The following CCT6A variants were observed in gnomAD, a reference collection of about 807,000 sequenced individuals.
CCT6A encodes the protein T-complex protein 1 subunit zeta.
CCT6A carries 6 observed loss-of-function variants against 58.6 expected under a neutral mutation model. The ratio of observed to expected loss-of-function variants is 0.10; its 90% CI spans 0.06 to 0.20. The LOEUF (loss-of-function observed/expected upper bound fraction) is 0.20, where lower values mean the gene tolerates loss of function less well. Ranked by LOEUF, CCT6A falls within the 10% of genes least tolerant of loss-of-function variation. The pLI is 1.00. For missense variants in CCT6A, 516 were observed against 648.8 expected, an observed-to-expected ratio of 0.80 and a Z score of 2.22; for synonymous variants, 245 against 227.8, an observed-to-expected ratio of 1.08 and a Z score of -0.68.
At chr7:56,056,756 T>C (rs933347090) in intron 5 of CCT6A, among the ~76,000 whole-genome samples, 3 of 148,270 alleles carry the variant, frequency 2.0e-5, no homozygotes, top group Non-Finnish European at 4.4e-5. Context: ...AAATAAACTG[T>C]GTTTAGAAAT....
rs1794418948 is a variant in CCT6A at position 56,060,914 on chromosome 7, G to A, written c.1321G>A (p.Ala441Thr). ...GGCACAGCTTGGAGTCCAAGCATTT[G>A]CTGATGCATTGCTCATTATTCCCAA... is the stretch of plus-strand genomic sequence containing the variant. ...GRAQLGVQAF[A>T]DALLIIPKVL... Residue 441 changes from alanine (A) to threonine (T), a missense_variant, in exon 11 of 14, where the codon GCT (alanine) becomes ACT (threonine). Around this residue, in one of 3 missense-constraint regions of CCT6A, gnomAD observed 315 missense variants for 389.4 expected, o/e 0.81. Coordinates refer to ENST00000275603, the MANE Select transcript of CCT6A (RefSeq NM_001762.4). 1.9e-6 allele frequency: 3 copies of A among 1,612,002 alleles called. No homozygotes were observed. The South Asian group carries it at 3.3e-5, about 18-fold the overall frequency.
chr7:56,057,857 G>A (rs1794347181), intron 5 of CCT6A, 136 bp from the exon 6 acceptor site: 2 of 616,294 alleles, frequency 3.2e-6, no homozygotes, highest in Non-Finnish European at 5.9e-6. Flanking sequence ...CTCCATCCTG[G>A]GCAACAGAGC....
intron 12 of CCT6A, chr7:56,062,075 G>C: frequency 2.5e-6 from 1 of 396,708 alleles, no homozygotes; most frequent in Non-Finnish European, 4.5e-6. Flanking sequence ...TGGAGATGTT[G>C]AGTGGTGGTA....
In CCT6A at chr7:56,054,461, C is replaced by G. The variant is rs368822326; in HGVS notation, c.294C>G (p.Ile98Met). 2.6e-5 allele frequency: 42 copies of G among 1,613,424 alleles called. No homozygotes were observed. The highest frequency in any genetic ancestry group is 3.4e-4 in the Middle Eastern group (2 of 5,950). Residue 98 changes from isoleucine (I) to methionine (M), a missense_variant, in exon 3 of 14, where the codon ATC becomes ATG. By Grantham distance (10) the Ile-to-Met change is conservative. Coordinates refer to ENST00000275603, the MANE Select transcript of CCT6A (RefSeq NM_001762.4). ...TGDGTTSNVL[I>M]IGELLKQADL... ...ATGGTACGACTTCTAATGTCCTAAT[C>G]ATTGGAGAGCTGCTGAAACAGGCGG...
At position 56,063,248 on chromosome 7, in the gene CCT6A, T is replaced by A. The variant is rs1158842571; in HGVS notation, c.*163T>A. On this transcript the variant is annotated 3_prime_UTR_variant, in exon 14 of 14. Coordinates refer to ENST00000275603, the MANE Select transcript of CCT6A (RefSeq NM_001762.4). ...TGTTGAAATTTGGAAGTTCTGAAAT[T>A]ATAGTATTTTTAAAAATTGCACTGA... 3.2e-6 allele frequency: 2 copies of A among 617,984 alleles called. No homozygotes were observed. The highest frequency in any genetic ancestry group is 2.9e-6 in the Non-Finnish European group (1 of 348,994). The allele number at this position is 617,984 out of a possible 1,614,324, so 38.3% of individuals were successfully genotyped here. A position where few individuals can be genotyped will look rare whatever the true frequency, so the allele number is the denominator to read the frequency against.
chr7:56,055,274 CA>C (rs34108091), intron 3 of CCT6A: 65 of 277,388 alleles, frequency 2.3e-4, no homozygotes, highest in East Asian at 5.8e-4. Flanking sequence ...AACTCCATCT[CA>C]AAAAAAATGA....
Position 56,061,856 on chromosome 7 carries a change from G to T in CCT6A, c.1450+7G>T, listed in dbSNP as rs7799676. 2.1e-6 allele frequency: 3 copies of T among 1,456,810 alleles called. No homozygotes were observed. The highest frequency in any genetic ancestry group is 2.8e-6 in the Non-Finnish European group (3 of 1,054,042). The allele number at this position is 1,456,810 out of a possible 1,614,324, so 90.2% of individuals were successfully genotyped here. A position where few individuals can be genotyped will look rare whatever the true frequency, so the allele number is the denominator to read the frequency against. Reference sequence around the variant, plus strand: ...GGTGTGGACCTGAACACAGGTAAGAGAATGCAACTGTTGTAGAGGGAAAAC... The same window carrying T: ...GGTGTGGACCTGAACACAGGTAAGATAATGCAACTGTTGTAGAGGGAAAAC... On this transcript the variant is annotated splice_region_variant and intron_variant, in intron 12 of 13. Transcript: ENST00000275603.
intron 3 of CCT6A, 86 bp from the exon 4 acceptor site, chr7:56,055,538 C>A: frequency 1.8e-6 from 2 of 1,121,808 alleles, no homozygotes; most frequent in South Asian, 1.4e-5. Context: ...TGATCCAGAA[C>A]ACTCCTTCAA....
intron 3 of CCT6A, among the ~76,000 whole-genome samples, chr7:56,054,736 T>C (rs1794268169): frequency 6.6e-6 from 1 of 152,184 alleles, no homozygotes; most frequent in South Asian, 2.1e-4. Flanking sequence ...GATTTGCATC[T>C]GTCTTTAGTG....
chr7:56,054,574 G>A (rs1302203503), intron 3 of CCT6A, 71 bp downstream of exon 3: 4 of 1,470,882 alleles, frequency 2.7e-6, no homozygotes, highest in Non-Finnish European at 2.8e-6. Flanking sequence ...ACAAATTGAT[G>A]TGCTGTTAAT....
At chr7:56,061,430 T>C (rs10081373) in intron 11 of CCT6A, among the ~76,000 whole-genome samples, 83,192 of 143,906 alleles carry the variant, frequency 0.58, 24,226 homozygotes, top group East Asian at 0.7. Context: ...GGCTGGAGTG[T>C]AATGGTGCGA....
At chr7:56,052,367 C>T (rs1794143922) in intron 1 of CCT6A, 55 bp from the exon 2 acceptor site, 1 of 1,519,092 alleles carries the variant, frequency 6.6e-7, no homozygotes, top group Non-Finnish European at 9.1e-7. Flanking sequence ...TCTAATGGGA[C>T]TTTTAGTTAT....
chr7:56,062,130 T>C (rs2117350801), intron 12 of CCT6A: 2 of 267,306 alleles, frequency 7.5e-6, no homozygotes, highest in East Asian at 1.6e-4. Context: ...TGCATTTGCC[T>C]TACTCAGTTT....
intron 9 of CCT6A, 149 bp from the exon 10 acceptor site, chr7:56,060,120 T>C: frequency 1.6e-6 from 1 of 636,112 alleles, no homozygotes; most frequent in South Asian, 2.1e-5. Context: ...ACATTTCTTT[T>C]ATGTGATTTT....
At chr7:56,054,339 T>C in intron 2 of CCT6A, 30 bp from the exon 3 acceptor site, 3 of 1,577,146 alleles carry the variant, frequency 1.9e-6, no homozygotes, top group Non-Finnish European at 1.7e-6. Context: ...TCATATTGTT[T>C]TAAGTGATTC....
Position 56,059,637 on chromosome 7 carries a change from A to G in CCT6A, c.1062A>G (p.Thr354=), listed in dbSNP as rs779138315. The change falls in exon 9 of 14, where the codon ACA becomes ACG. Residue 354 remains threonine, a synonymous_variant. Coordinates refer to ENST00000275603, the MANE Select transcript of CCT6A (RefSeq NM_001762.4). The part of the protein sequence containing the change: ...LGHAGLVYEY[T]LGEEKFTFIE... ...ATGCAGGACTTGTATATGAGTATAC[A>G]TTGGTAAGTGTATTTTTTTCTTAAA... The G allele has an allele frequency of 4.2e-6, 6 of 1,439,958 alleles. No homozygotes were observed. The Admixed American group carries it at 5.1e-5, about 12-fold the overall frequency. The allele number at this position is 1,439,958 out of a possible 1,614,324, so 89.2% of individuals were successfully genotyped here. A position where few individuals can be genotyped will look rare whatever the true frequency, so the allele number is the denominator to read the frequency against.
At chr7:56,055,598 C>G (rs1294889115) in intron 3 of CCT6A, 26 bp from the exon 4 acceptor site, 3 of 1,589,992 alleles carry the variant, frequency 1.9e-6, no homozygotes, top group Middle Eastern at 1.7e-4. Context: ...ATTGAAGATG[C>G]AAGTGTTAAT....
chr7:56,052,739 AG>A (rs1408381098), intron 2 of CCT6A, among the ~76,000 whole-genome samples: 1 of 151,544 alleles, frequency 6.6e-6, no homozygotes, highest in Non-Finnish European at 1.5e-5. Context: ...AAATTAAGAG[AG>A]GTTGACACAA....
intron 10 of CCT6A, 80 bp downstream of exon 10, chr7:56,060,496 A>G (rs1794411610): frequency 6.9e-7 from 1 of 1,445,586 alleles, no homozygotes; most frequent in African/African-American, 1.4e-5. Context: ...TGTTTTTATC[A>G]GTAGTTTACA....
Sources: gnomAD v4.1 joint callset for allele counts (sites outside exome capture counted in the v4.1 genomes callset) on GRCh38, gnomAD v4.1.1 for gene constraint, gnomAD v4.1.1 regional missense constraint, MANE v1.5 for transcripts, NCBI Gene and HGNC (gene_info 2026-07-23, HGNC 2026-07-21) for gene names.